The following SETD2 variants were observed in gnomAD, a reference collection of about 807,000 sequenced individuals.
SETD2 encodes histone-lysine N-methyltransferase SETD2.
Under a neutral mutation model 242.1 loss-of-function variants are expected in SETD2, and 31 were observed. That is an observed-to-expected ratio of 0.13 (90% confidence interval 0.10 to 0.17). SETD2 has a LOEUF of 0.17. SETD2 is among the 10% of genes least tolerant of loss of function. The probability of loss-of-function intolerance (pLI) is 1.00; values close to 1 mark genes in which losing one functional copy is unlikely to be tolerated. For synonymous variants in SETD2, 1,006 were observed against 1,066.5 expected (o/e 0.94, Z 1.11); for missense variants, 2,481 against 3,046.3 (o/e 0.81, Z 4.37).
At chr3:47,108,241 C>T (rs957713987) in intron 5 of SETD2, among the ~76,000 whole-genome samples, 9 of 152,102 alleles carry the variant, frequency 5.9e-5, no homozygotes, top group Admixed American at 4.6e-4. Context: ...CATATATTAT[C>T]CAGGATCTGG....
intron 10 of SETD2, among the ~76,000 whole-genome samples, 182 bp from the exon 11 acceptor site, chr3:47,086,496 C>A (rs1347125160): frequency 6.6e-6 from 1 of 152,156 alleles, no homozygotes; most frequent in Non-Finnish European, 1.5e-5. Context: ...ATGCTTTAAA[C>A]AGATTATAAT....
chr3:47,090,672 G>A (rs951490271), intron 9 of SETD2, among the ~76,000 whole-genome samples: 2 of 152,126 alleles, frequency 1.3e-5, no homozygotes, highest in African/African-American at 4.8e-5. Flanking sequence ...TTATAGCCGT[G>A]AGCCACTGCG....
intron 6 of SETD2, 42 bp from the exon 7 acceptor site, chr3:47,103,465 T>G (rs560212918): frequency 7.6e-7 from 1 of 1,318,698 alleles, no homozygotes; most frequent in African/African-American, 1.4e-5. Flanking sequence ...AATAATACCT[T>G]AAATATTCAT....
At chr3:47,055,929 C>T (rs767996382) in intron 15 of SETD2, among the ~76,000 whole-genome samples, 2 of 136,252 alleles carry the variant, frequency 1.5e-5, no homozygotes, top group Admixed American at 8.3e-5. Flanking sequence ...AGGAGAATGG[C>T]GTGAACCCGG....
chr3:47,053,526 G>C (rs1428119007), intron 15 of SETD2, among the ~76,000 whole-genome samples: 1 of 152,128 alleles, frequency 6.6e-6, no homozygotes, highest in African/African-American at 2.4e-5. Flanking sequence ...TTAAAATTGA[G>C]CTTTTATGTT....
rs2107575477 is a variant in SETD2 at position 47,057,013 on chromosome 3, C to A, written c.6771G>T (p.Leu2257Phe). 1 of 1,614,266 alleles carries A rather than the reference C, an allele frequency of 6.2e-7. No homozygotes were observed. The change falls in exon 15 of 21, where the codon TTG becomes TTT. Residue 2257 changes from leucine to phenylalanine, a missense_variant. By Grantham distance (22) the Leu-to-Phe change is conservative. Coordinates refer to ENST00000409792, the MANE Select transcript of SETD2 (RefSeq NM_014159.7). ...VVHQDSSVAV[L>F]PVPAPGPVQG... ...GAACTGGGCCGGGGGCCGGCACTGG[C>A]AAGACAGCAACGCTGGAGTCTTGGT... is the stretch of plus-strand genomic sequence containing the variant.
intron 18 of SETD2, among the ~76,000 whole-genome samples, chr3:47,027,590 A>C (rs1186284520): frequency 1.3e-5 from 2 of 152,112 alleles, no homozygotes; most frequent in East Asian, 3.8e-4. Context: ...AAAATGGATT[A>C]GTGCCTGGGC....
intron 1 of SETD2, among the ~76,000 whole-genome samples, chr3:47,143,289 G>C (rs759096820): frequency 1.3e-5 from 2 of 151,900 alleles, no homozygotes; most frequent in African/African-American, 2.4e-5. Context: ...GCAAGACCCC[G>C]TCTCAAAAAA....
Position 47,057,060 on chromosome 3 carries a change from C to T in SETD2, c.6724G>A (p.Ala2242Thr), listed in dbSNP as rs750393537. The T allele has an allele frequency of 1.1e-5, 18 of 1,614,098 alleles. No homozygotes were observed. Among genetic ancestry groups the T allele is most frequent in the Non-Finnish European group, 1.5e-5 (18 of 1,180,050 alleles). ...TGGTGTACTACACCATCACTCTGGG[C>T]CACATACTGGGAACTGGAAACTTCC... ...PVEVSSSQYV[A>T]QSDGVVHQDS... Residue 2242 changes from alanine (A) to threonine (T), a missense_variant, in exon 15 of 21, where the codon GCC (alanine) becomes ACC (threonine). Physicochemically the swap from Ala to Thr is moderately conservative, Grantham distance 58 (BLOSUM62 0). This residue lies in a region of SETD2 where 235 missense variants were observed against 293.9 expected (regional missense o/e 0.80). Coordinates refer to ENST00000409792, the MANE Select transcript of SETD2 (RefSeq NM_014159.7).
In SETD2 at chr3:47,122,867, A is replaced by G. The variant is rs1258459428; in HGVS notation, c.1769T>C (p.Leu590Ser). The G allele has an allele frequency of 6.2e-7, 1 of 1,611,112 alleles. No homozygotes were observed. The highest frequency in any genetic ancestry group is 1.7e-5 in the Admixed American group (1 of 59,376). ...EEIKQSHSFS[L>S]QTPCSKGSEL... ...ACTACCTTTTGAACAAGGTGTCTGT[A>G]AACTAAAAGAATGAGACTGTTTGAT... Residue 590 changes from leucine to serine, a missense_variant, in exon 3 of 21, where the codon TTA becomes TCA. Transcript: ENST00000409792.
Position 47,017,779 on chromosome 3 carries a change from A to C in SETD2, c.7432-40T>G. 1 of 1,377,010 alleles carries C rather than the reference A, an allele frequency of 7.3e-7. No homozygotes were observed. Among genetic ancestry groups the C allele is most frequent in the South Asian group, 1.2e-5 (1 of 86,170 alleles). 85.3% of individuals were successfully genotyped at this position (1,377,010 alleles called of 1,614,324 possible). A position where few individuals can be genotyped will look rare whatever the true frequency, so the allele number is the denominator to read the frequency against. ...AAGAGAACACGTTGCTCAACAGTCC[A>C]GAGAGGGCAAGGAGTTGTACTGAGG... On this transcript the variant is annotated intron_variant, in intron 19 of 20. Coordinates refer to ENST00000409792, the MANE Select transcript of SETD2 (RefSeq NM_014159.7). The surrounding 1 kb of genome is among the most constrained non-coding windows in gnomAD (Gnocchi z 4.8).
chr3:47,097,596 A>T (rs1319447516), intron 9 of SETD2, among the ~76,000 whole-genome samples: 5 of 152,236 alleles, frequency 3.3e-5, no homozygotes, highest in Non-Finnish European at 7.3e-5. Context: ...TTTGAAGAAC[A>T]CTCAAAGTTT....
At chr3:47,130,617 T>A (rs914299112) in intron 1 of SETD2, among the ~76,000 whole-genome samples, 1 of 152,044 alleles carries the variant, frequency 6.6e-6, no homozygotes, top group Non-Finnish European at 1.5e-5. Context: ...TGAAGAAAGG[T>A]TGATGAAACA....
chr3:47,151,587 G>A (rs926963754), intron 1 of SETD2, among the ~76,000 whole-genome samples: 2 of 152,084 alleles, frequency 1.3e-5, no homozygotes, highest in African/African-American at 4.8e-5. Flanking sequence ...CAGCATGTGG[G>A]GAGGCCAAGG....
At chr3:47,146,625 TAA>T (rs60453399) in intron 1 of SETD2, among the ~76,000 whole-genome samples, 7 of 138,570 alleles carry the variant, frequency 5.1e-5, no homozygotes, top group Non-Finnish European at 3.1e-5. Flanking sequence ...AGACTCCGTC[TAA>T]AAAAAAAAAA....
chr3:47,146,470 A>G (rs2043858207), intron 1 of SETD2, among the ~76,000 whole-genome samples: 1 of 152,080 alleles, frequency 6.6e-6, no homozygotes, highest in South Asian at 2.1e-4. Context: ...TCTACTAAAA[A>G]TACAAAAATT....
intron 1 of SETD2, among the ~76,000 whole-genome samples, chr3:47,137,152 A>G (rs919062908): frequency 2.0e-5 from 3 of 152,066 alleles, no homozygotes; most frequent in Non-Finnish European, 4.4e-5. Context: ...TCTATATTAT[A>G]GTACCTTATT....
chr3:47,046,426 GA>G (rs1232747841), intron 16 of SETD2, 60 bp downstream of exon 16: 2 of 1,387,646 alleles, frequency 1.4e-6, no homozygotes, highest in African/African-American at 3.0e-5. Context: ...AAACCAAAAA[GA>G]AAACCTTCCA....
intron 5 of SETD2, among the ~76,000 whole-genome samples, chr3:47,106,930 T>C (rs2042451628): frequency 6.6e-6 from 1 of 152,208 alleles, no homozygotes; most frequent in Non-Finnish European, 1.5e-5. Flanking sequence ...ATTCCCTTTA[T>C]GTAATGACAT....
Sources: allele counts gnomAD v4.1 joint callset (sites outside exome capture counted in the v4.1 genomes callset), GRCh38; gene constraint gnomAD v4.1.1; regional missense constraint gnomAD v4.1.1; non-coding constraint Gnocchi (gnomAD v3.1); transcripts MANE v1.5; gene names NCBI Gene and HGNC (gene_info 2026-07-23, HGNC 2026-07-21).